The following DLGAP2 variants were observed in gnomAD, a reference collection of about 807,000 sequenced individuals.
The protein encoded by DLGAP2 is DLG associated protein 2, also known as disks large-associated protein 2.
In DLGAP2, 26 loss-of-function variants were observed where a neutral mutation model predicts 100.3. That is an observed-to-expected ratio of 0.26 (90% CI 0.19 to 0.36). The LOEUF (loss-of-function observed/expected upper bound fraction) is 0.36. Ranked by LOEUF, DLGAP2 falls within the 10% of genes least tolerant of loss-of-function variation. DLGAP2 has a pLI of 1.00. For synonymous variants in DLGAP2, 886 were observed against 630.1 expected (o/e 1.41, Z -6.08); for missense variants, 1,858 against 1,453.2 (o/e 1.28, Z -4.53).
chr8:1,191,889 G>T (rs60938275), intron 2 of DLGAP2, among the ~76,000 whole-genome samples: 3 of 152,088 alleles, frequency 2.0e-5, no homozygotes, highest in South Asian at 2.1e-4. Context: ...TCTTGGTGCA[G>T]TTGGCCCCTC....
At chr8:1,018,795 G>T (rs1489167207) in intron 2 of DLGAP2, 1 of 152,152 alleles carries the variant, frequency 6.6e-6, no homozygotes, top group Non-Finnish European at 1.5e-5. Context: ...TTTGCTATTT[G>T]AGATTTTATC....
chr8:1,210,904 C>G (rs191496121), intron 2 of DLGAP2, among the ~76,000 whole-genome samples: 1 of 152,212 alleles, frequency 6.6e-6, no homozygotes, highest in African/African-American at 2.4e-5. Context: ...CAATGTCCCT[C>G]CCAGGACGCT....
rs573219506 is a variant in DLGAP2, at chr8:1,224,054, G to T, written c.74-34797G>T. ...TTCAAGTTAAGCAATGAATCAAAAC[G>T]ATATTCTTTGAGCGTACGATATGTT... On this transcript the variant is annotated intron_variant, in intron 2 of 14. Coordinates refer to ENST00000637795, the MANE Select transcript of DLGAP2 (RefSeq NM_001346810.2). 2.6e-5 allele frequency among the ~76,000 whole-genome samples: 4 copies of T among 152,260 alleles called. No individual in the cohort carries two copies. In the East Asian group the frequency reaches 7.7e-4, roughly 29 times the overall value.
intron 2 of DLGAP2, among the ~76,000 whole-genome samples, chr8:1,160,412 C>G (rs1352377548): frequency 6.6e-6 from 1 of 152,128 alleles, no homozygotes; most frequent in African/African-American, 2.4e-5. Flanking sequence ...GATGTGGGCG[C>G]GGGCGTGAGT....
chr8:1,577,942 T>A (rs1803060417), intron 6 of DLGAP2, among the ~76,000 whole-genome samples: 1 of 152,192 alleles, frequency 6.6e-6, no homozygotes, highest in Non-Finnish European at 1.5e-5. Flanking sequence ...AGAGGCAAGG[T>A]GTGGAAATCT....
rs764654380 is a variant in DLGAP2, at chr8:842,534, C to T, written c.19-65378C>T. On this transcript the variant is annotated intron_variant, in intron 1 of 14. Coordinates refer to ENST00000637795, the MANE Select transcript of DLGAP2 (RefSeq NM_001346810.2). ...TATTATTATGTGCCTTGGTGGTCAT[C>T]GTTCTGATTTAATTTCTCTGGTACA... is the stretch of plus-strand genomic sequence containing the variant. Among the ~76,000 whole-genome samples, 23 of 152,108 alleles carry T rather than the reference C, an allele frequency of 1.5e-4. 1 individual carries two copies. Among genetic ancestry groups the T allele is most frequent in the South Asian group, 8.3e-4 (4 of 4,820 alleles).
chr8:1,294,794 C>T (rs1206872385), intron 3 of DLGAP2, among the ~76,000 whole-genome samples: 2 of 150,938 alleles, frequency 1.3e-5, no homozygotes, highest in East Asian at 2.0e-4. Context: ...GCTTGAGCCT[C>T]GGAGGTGCAG....
At chr8:1,260,819 T>C (rs899470448) in intron 3 of DLGAP2, among the ~76,000 whole-genome samples, 7 of 152,210 alleles carry the variant, frequency 4.6e-5, no homozygotes, top group Admixed American at 1.3e-4. Context: ...GCGACTGTAG[T>C]CGTCCAGAGC....
chr8:1,643,420 C>G (rs1797959970), intron 8 of DLGAP2, among the ~76,000 whole-genome samples: 1 of 23,346 alleles, frequency 4.3e-5, no homozygotes, highest in Admixed American at 3.5e-4. Flanking sequence ...ACCTGTGTCA[C>G]CCTGGAACCC....
intron 3 of DLGAP2, among the ~76,000 whole-genome samples, chr8:1,287,439 G>A (rs1563062264): frequency 1.7e-5 from 2 of 119,676 alleles, no homozygotes; most frequent in African/African-American, 6.9e-5. Flanking sequence ...GTGTGTGTGT[G>A]GTTGTTAGGA....
chr8:877,141 A>G (rs1392868190), intron 1 of DLGAP2, among the ~76,000 whole-genome samples: 1 of 151,986 alleles, frequency 6.6e-6, no homozygotes, highest in African/African-American at 2.4e-5. Flanking sequence ...TTCCACAGGT[A>G]GTTTGTGTTG....
At chr8:1,306,089 AAAAG>A (rs1463614758) in intron 3 of DLGAP2, among the ~76,000 whole-genome samples, 43 of 120,894 alleles carry the variant, frequency 3.6e-4, no homozygotes, top group African/African-American at 1.5e-3. Context: ...AAAAAAAAAA[AAAAG>A]AGAGAGGGAG....
At chr8:882,349 C>T (rs1213604967) in intron 1 of DLGAP2, among the ~76,000 whole-genome samples, 2 of 150,506 alleles carry the variant, frequency 1.3e-5, no homozygotes, top group Non-Finnish European at 3.0e-5. Context: ...CCGCTCCCTG[C>T]GGAGGCCTCC....
intron 7 of DLGAP2, among the ~76,000 whole-genome samples, chr8:1,631,040 G>A (rs926008135): frequency 1.3e-5 from 2 of 151,476 alleles, no homozygotes; most frequent in Non-Finnish European, 2.9e-5. Context: ...CTGGGCGGGA[G>A]GTCCGGGTGC....
intron 2 of DLGAP2, among the ~76,000 whole-genome samples, chr8:1,242,582 C>G (rs978722634): frequency 6.6e-6 from 1 of 152,238 alleles, no homozygotes; most frequent in African/African-American, 2.4e-5. Flanking sequence ...GAGGCCCACC[C>G]TCGCCTGAGC....
intron 2 of DLGAP2, among the ~76,000 whole-genome samples, chr8:1,102,949 C>T (rs1196537440): frequency 6.6e-6 from 1 of 151,118 alleles, no homozygotes. Context: ...TCTCTGGGGT[C>T]TCTGTGGTTT....
intron 3 of DLGAP2, among the ~76,000 whole-genome samples, chr8:1,305,461 G>A (rs557636933): frequency 1.6e-4 from 24 of 152,218 alleles, no homozygotes; most frequent in African/African-American, 5.5e-4. Context: ...AGTCATCCCT[G>A]GGTGTCTGTA....
intron 8 of DLGAP2, among the ~76,000 whole-genome samples, chr8:1,641,579 T>A (rs1285755430): frequency 6.6e-6 from 1 of 152,168 alleles, no homozygotes; most frequent in South Asian, 2.1e-4. Context: ...GACAACGATC[T>A]GCGTCTGTCC....
intron 3 of DLGAP2, among the ~76,000 whole-genome samples, chr8:1,364,077 T>G (rs1188528256): frequency 1.3e-5 from 2 of 152,138 alleles, no homozygotes; most frequent in Non-Finnish European, 2.9e-5. Context: ...CGCCTTCAGG[T>G]GCAGACCCCA....
Sources: allele counts gnomAD v4.1 joint callset (sites outside exome capture counted in the v4.1 genomes callset), GRCh38; gene constraint gnomAD v4.1.1; transcripts MANE v1.5; gene names NCBI Gene and HGNC (gene_info 2026-07-23, HGNC 2026-07-21).